Variants in PATJ observed in about 807,000 individuals in gnomAD.
PATJ encodes inaD-like protein.
PATJ carries 190 observed loss-of-function variants against 224.9 expected under a neutral mutation model. The observed-to-expected ratio is 0.84, with a 90% CI of 0.75 to 0.95. The LOEUF is 0.95. Ranked by LOEUF, PATJ falls within the 40% of genes least tolerant of loss-of-function variation. The pLI, the probability that PATJ is intolerant of heterozygous loss-of-function variation, is 0.00. For missense variants in PATJ, 2,121 were observed against 2,270.3 expected (o/e 0.93, Z 1.34); for synonymous variants, 769 against 820.3 (o/e 0.94, Z 1.07).
At chr1:61,892,612 T>C (rs558011925) in intron 22 of PATJ, among the ~76,000 whole-genome samples, 1 of 152,320 alleles carries the variant, frequency 6.6e-6, no homozygotes, top group African/African-American at 2.4e-5. Context: ...AAAATTTGGT[T>C]ATAAATCTCT....
intron 21 of PATJ, among the ~76,000 whole-genome samples, chr1:61,883,893 CAG>C (rs2149072980): frequency 6.8e-6 from 1 of 146,768 alleles, no homozygotes; most frequent in East Asian, 2.0e-4. Flanking sequence ...AGTGAAATGT[CAG>C]AGTACTTATT....
chr1:62,093,397 C>T (rs1485961397), intron 33 of PATJ, among the ~76,000 whole-genome samples: 1 of 152,122 alleles, frequency 6.6e-6, no homozygotes, highest in Non-Finnish European at 1.5e-5. Context: ...GAATAGAAAG[C>T]TATTTTATAT....
chr1:61,767,067 T>G (rs1302042607), intron 4 of PATJ, among the ~76,000 whole-genome samples: 2 of 152,180 alleles, frequency 1.3e-5, no homozygotes, highest in Non-Finnish European at 2.9e-5. Flanking sequence ...TACTCCAGCC[T>G]GGGTGACACC....
At chr1:61,974,300 G>A (rs1039017899) in intron 27 of PATJ, among the ~76,000 whole-genome samples, 6 of 151,344 alleles carry the variant, frequency 4.0e-5, no homozygotes, top group African/African-American at 1.5e-4. Context: ...GCCTAAAGGT[G>A]GTCATTGAAC....
intron 28 of PATJ, among the ~76,000 whole-genome samples, chr1:62,009,391 A>G (rs67622686): frequency 0.067 from 10,255 of 152,284 alleles, 791 homozygotes; most frequent in East Asian, 0.4. Context: ...GTGCATTAGC[A>G]TTATGTCTAA....
intron 21 of PATJ, among the ~76,000 whole-genome samples, chr1:61,875,906 T>A (rs1667272025): frequency 6.6e-6 from 1 of 152,174 alleles, no homozygotes. Context: ...GTTTGAAAAG[T>A]TGACTTTAAA....
intron 12 of PATJ, among the ~76,000 whole-genome samples, chr1:61,803,041 T>G (rs1382717176): frequency 1.3e-5 from 2 of 152,236 alleles, no homozygotes; most frequent in East Asian, 3.8e-4. Flanking sequence ...TTTGCAAATC[T>G]GAGTTGAGCT....
intron 17 of PATJ, among the ~76,000 whole-genome samples, chr1:61,849,257 G>GA (rs150525898): frequency 0.024 from 3,614 of 152,246 alleles, 61 homozygotes; most frequent in South Asian, 0.061. Flanking sequence ...TTGGTGTGGT[G>GA]AACTATACAA....
At chr1:61,930,874 A>G (rs1262396581) in intron 27 of PATJ, among the ~76,000 whole-genome samples, 1 of 152,024 alleles carries the variant, frequency 6.6e-6, no homozygotes, top group Non-Finnish European at 1.5e-5. Flanking sequence ...CTAATTTTGT[A>G]TTTTTAGTAG....
chr1:62,143,455 T>TTTTTA (rs1667702401), intron 41 of PATJ, among the ~76,000 whole-genome samples: 1 of 135,540 alleles, frequency 7.4e-6, no homozygotes, highest in African/African-American at 2.8e-5. Flanking sequence ...TTTTTTTTTT[T>TTTTTA]TTTTTTTTTT....
At chr1:61,998,628 T>G (rs1470107788) in intron 28 of PATJ, among the ~76,000 whole-genome samples, 1 of 152,218 alleles carries the variant, frequency 6.6e-6, no homozygotes, top group Non-Finnish European at 1.5e-5. Context: ...GAAAATTTAT[T>G]TTTTGAGCTT....
chr1:61,838,664 C>G (rs1660606704), intron 17 of PATJ, among the ~76,000 whole-genome samples: 1 of 151,532 alleles, frequency 6.6e-6, no homozygotes, highest in African/African-American at 2.4e-5. Context: ...GCCACTGCGC[C>G]CGGCCGACTG....
chr1:61,938,056 T>C (rs1677163149), intron 27 of PATJ, among the ~76,000 whole-genome samples: 1 of 152,246 alleles, frequency 6.6e-6, no homozygotes, highest in African/African-American at 2.4e-5. Context: ...ATCTTGGTAC[T>C]GTTGCTGTCT....
At chr1:62,153,321 C>T (rs935643884) in intron 42 of PATJ, 37 bp from the exon 43 acceptor site, 1 of 1,219,180 alleles carries the variant, frequency 8.2e-7, no homozygotes, top group South Asian at 4.2e-5. Flanking sequence ...CTCTCAATAT[C>T]TATTCTCGAA....
intron 27 of PATJ, among the ~76,000 whole-genome samples, chr1:61,954,081 A>G (rs984841507): frequency 2.6e-5 from 4 of 152,224 alleles, no homozygotes; most frequent in African/African-American, 7.2e-5. Context: ...ACACATATTT[A>G]TGTGTTATAT....
chr1:61,944,730 A>G (rs1678392782), intron 27 of PATJ, among the ~76,000 whole-genome samples: 1 of 152,230 alleles, frequency 6.6e-6, no homozygotes. Context: ...AGAGAACACC[A>G]CAAAGATACT....
intron 27 of PATJ, among the ~76,000 whole-genome samples, chr1:61,967,018 C>T (rs879710425): frequency 2.0e-5 from 3 of 152,138 alleles, no homozygotes; most frequent in African/African-American, 7.2e-5. Flanking sequence ...GCTGACCTGT[C>T]TCATCCTGTG....
intron 30 of PATJ, among the ~76,000 whole-genome samples, chr1:62,044,762 G>T (rs1470890341): frequency 6.6e-6 from 1 of 152,088 alleles, no homozygotes; most frequent in Non-Finnish European, 1.5e-5. Context: ...CTAGAATTCT[G>T]AGCAGCCTAG....
chr1:62,069,600 T>G (rs1657056016), intron 31 of PATJ, among the ~76,000 whole-genome samples: 1 of 152,156 alleles, frequency 6.6e-6, no homozygotes, highest in Admixed American at 6.6e-5. Flanking sequence ...GAAATCCAGT[T>G]TTCTCATCTA....
Sources: allele counts gnomAD v4.1 joint callset (sites outside exome capture counted in the v4.1 genomes callset), GRCh38; gene constraint gnomAD v4.1.1; transcripts MANE v1.5; gene names NCBI Gene and HGNC (gene_info 2026-07-23, HGNC 2026-07-21).